FBXL17: variants seen among roughly 807,000 people sequenced by gnomAD.
FBXL17 encodes the protein F-box and leucine rich repeat protein 17.
FBXL17 carries 22 observed loss-of-function variants against 66.2 expected under a neutral mutation model. The observed-to-expected ratio is 0.33, with a 90% CI of 0.24 to 0.47. The LOEUF is 0.47. Ranked by LOEUF, FBXL17 falls within the 20% of genes least tolerant of loss-of-function variation. The pLI is 1.00. For missense variants in FBXL17, 878 were observed against 948.2 expected (o/e 0.93, Z 0.97); for synonymous variants, 474 against 400.5 (o/e 1.18, Z -2.19).
intron 7 of FBXL17, among the ~76,000 whole-genome samples, chr5:108,014,257 T>C (rs1303438273): frequency 6.6e-6 from 1 of 152,126 alleles, no homozygotes; most frequent in Non-Finnish European, 1.5e-5. Flanking sequence ...AAAGAAAAGA[T>C]AAAAAGTTAA....
chr5:108,014,992 T>C (rs1321509550), intron 7 of FBXL17, among the ~76,000 whole-genome samples: 1 of 152,154 alleles, frequency 6.6e-6, no homozygotes, highest in Admixed American at 6.5e-5. Flanking sequence ...GCCATTATGA[T>C]TCAACTATCT....
intron 4 of FBXL17, among the ~76,000 whole-genome samples, chr5:108,338,199 T>TAGC (rs3064590): frequency 0.84 from 126,991 of 151,732 alleles, 53,286 homozygotes; most frequent in Admixed American, 0.89. Flanking sequence ...AATGAAAAGC[T>TAGC]AGAACATGAT....
intron 7 of FBXL17, among the ~76,000 whole-genome samples, chr5:107,961,154 T>C (rs1301525677): frequency 6.6e-6 from 1 of 152,112 alleles, no homozygotes; most frequent in Non-Finnish European, 1.5e-5. Flanking sequence ...ATGGGAACTT[T>C]AGGTGCTGTC....
At chr5:108,355,268 AT>A (rs1017472359) in intron 3 of FBXL17, among the ~76,000 whole-genome samples, 1 of 126,612 alleles carries the variant, frequency 7.9e-6, no homozygotes, top group East Asian at 2.0e-4. Flanking sequence ...AACTTTATTT[AT>A]TTATTTATTT....
chr5:107,926,712 G>A (rs111611541), intron 7 of FBXL17, among the ~76,000 whole-genome samples: 2 of 152,068 alleles, frequency 1.3e-5, no homozygotes, highest in Admixed American at 6.6e-5. Flanking sequence ...TATGGAAGAA[G>A]AGAGTTGGGA....
Position 108,381,826 on chromosome 5 carries a change from A to C in FBXL17, c.-135T>G, listed in dbSNP as rs575730537. The C allele has an allele frequency of 1.7e-5, 22 of 1,301,258 alleles. No homozygotes were observed. The African/African-American group carries it at 3.1e-4, about 18-fold the overall frequency. The allele number at this position is 1,301,258 out of a possible 1,614,324, so 80.6% of individuals were successfully genotyped here. On this transcript the variant is annotated 5_prime_UTR_variant, in exon 1 of 9. Coordinates refer to ENST00000542267, the MANE Select transcript of FBXL17 (RefSeq NM_001163315.3). ...CCTTCCTGCGCACACACACGCACAC[A>C]CGGGCACACACGCGACGGTGGGGGG...
At chr5:108,348,345 A>C in intron 4 of FBXL17, 54 bp downstream of exon 4, 1 of 1,450,210 alleles carries the variant, frequency 6.9e-7, no homozygotes, top group Non-Finnish European at 9.3e-7. Flanking sequence ...AACTTGAAAG[A>C]ATTCGAAGGT....
At chr5:108,231,005 A>G (rs1400937036) in intron 4 of FBXL17, among the ~76,000 whole-genome samples, 5 of 152,144 alleles carry the variant, frequency 3.3e-5, no homozygotes, top group Non-Finnish European at 2.9e-5. Context: ...CTTAATCAGC[A>G]TTTTAGAAAA....
chr5:108,129,917 T>C (rs1561424739), intron 6 of FBXL17, among the ~76,000 whole-genome samples: 2 of 124,630 alleles, frequency 1.6e-5, no homozygotes, highest in South Asian at 6.3e-4. Context: ...TTTAACCACA[T>C]TTACTTAATA....
chr5:107,955,491 T>C (rs1751633302), intron 7 of FBXL17, among the ~76,000 whole-genome samples: 1 of 152,184 alleles, frequency 6.6e-6, no homozygotes, highest in Non-Finnish European at 1.5e-5. Context: ...TCAGAGCTAT[T>C]GCAGTGCGCT....
chr5:108,133,555 C>T (rs1464141394), intron 6 of FBXL17, among the ~76,000 whole-genome samples: 1 of 151,994 alleles, frequency 6.6e-6, no homozygotes, highest in Non-Finnish European at 1.5e-5. Flanking sequence ...GAGAACAGCA[C>T]TGAATTCTCA....
At chr5:107,869,973 A>G (rs573376857) in intron 8 of FBXL17, among the ~76,000 whole-genome samples, 2 of 152,346 alleles carry the variant, frequency 1.3e-5, no homozygotes, top group African/African-American at 4.8e-5. Flanking sequence ...CAAGCAAGAT[A>G]CAAACAAGAA....
At chr5:108,166,702 A>G (rs1752429676) in intron 6 of FBXL17, among the ~76,000 whole-genome samples, 1 of 152,216 alleles carries the variant, frequency 6.6e-6, no homozygotes, top group Admixed American at 6.5e-5. Context: ...AGGCTAAATT[A>G]GCTGACCTTT....
chr5:108,112,584 A>C lies in FBXL17; in HGVS notation c.1745+73533T>G, dbSNP rs143174992. Among the ~76,000 whole-genome samples, 170 of 152,344 alleles carry C rather than the reference A, an allele frequency of 1.1e-3. 2 individuals are homozygous for C. The highest frequency in any genetic ancestry group is 3.8e-3 in the African/African-American group (158 of 41,576). ...GTCAAAATTACTAGGCATGAAAAGA[A>C]ACAGGAAAACATATCCCATGAGGAG... is the stretch of plus-strand genomic sequence containing the variant. On this transcript the variant is annotated intron_variant, in intron 6 of 8. Coordinates refer to ENST00000542267, the MANE Select transcript of FBXL17 (RefSeq NM_001163315.3).
At chr5:108,040,258 T>C (rs890516473) in intron 6 of FBXL17, among the ~76,000 whole-genome samples, 3 of 152,148 alleles carry the variant, frequency 2.0e-5, no homozygotes, top group African/African-American at 7.2e-5. Flanking sequence ...GTGGACTTAG[T>C]TGCCAACTTT....
intron 6 of FBXL17, among the ~76,000 whole-genome samples, chr5:108,043,197 G>C (rs1747118430): frequency 6.6e-6 from 1 of 151,914 alleles, no homozygotes; most frequent in South Asian, 2.1e-4. Context: ...CTATTAAAAG[G>C]GTCTTTCACA....
At chr5:108,318,836 G>A (rs1177491660) in intron 4 of FBXL17, among the ~76,000 whole-genome samples, 2 of 151,826 alleles carry the variant, frequency 1.3e-5, no homozygotes, top group Non-Finnish European at 2.9e-5. Context: ...CAACTGCCTA[G>A]CCTCTATTAT....
chr5:108,056,346 A>G (rs1481575251), intron 6 of FBXL17, among the ~76,000 whole-genome samples: 1 of 152,202 alleles, frequency 6.6e-6, no homozygotes, highest in East Asian at 1.9e-4. Flanking sequence ...AGTGAAAGTA[A>G]GTCTTTGAAC....
intron 7 of FBXL17, among the ~76,000 whole-genome samples, chr5:107,890,318 CTG>C (rs1251981566): frequency 2.1e-4 from 32 of 151,434 alleles, no homozygotes; most frequent in African/African-American, 7.5e-4. Flanking sequence ...TTTCAGACCA[CTG>C]TAAAGACCGA....
Sources: gnomAD v4.1 joint callset for allele counts (sites outside exome capture counted in the v4.1 genomes callset) on GRCh38, gnomAD v4.1.1 for gene constraint, MANE v1.5 for transcripts, NCBI Gene and HGNC (gene_info 2026-07-23, HGNC 2026-07-21) for gene names.